The following LRRC7 variants were observed in gnomAD, a reference collection of about 807,000 sequenced individuals.
The protein encoded by LRRC7 is leucine rich repeat containing 7.
In LRRC7, 23 loss-of-function variants were observed where a neutral mutation model predicts 175.7. That is an observed-to-expected ratio of 0.13 (90% CI 0.09 to 0.19). The LOEUF is 0.19. Among genes scored for constraint, LRRC7 ranks in the 10% least tolerant of loss-of-function variants. The probability of loss-of-function intolerance (pLI) is 1.00; values close to 1 mark genes in which losing one functional copy is unlikely to be tolerated. For synonymous variants in LRRC7, 685 were observed against 680.9 expected (o/e 1.01, Z -0.09); for missense variants, 1,354 against 1,904.7 (o/e 0.71, Z 5.38).
chr1:69,601,397 G>C (rs10889840), intron 1 of LRRC7, among the ~76,000 whole-genome samples: 1 of 151,840 alleles, frequency 6.6e-6, no homozygotes, highest in African/African-American at 2.4e-5. Context: ...TAACCTCCCC[G>C]TCCAACAGTA....
At chr1:69,621,045 TTC>T (rs1182331444) in intron 1 of LRRC7, among the ~76,000 whole-genome samples, 1 of 151,722 alleles carries the variant, frequency 6.6e-6, no homozygotes, top group African/African-American at 2.4e-5. Context: ...TCTTTTTTTT[TTC>T]TTTTTTTTTC....
chr1:69,707,520 C>T (rs1226755167), intron 2 of LRRC7, among the ~76,000 whole-genome samples: 3 of 152,058 alleles, frequency 2.0e-5, no homozygotes, highest in Admixed American at 2.0e-4. Context: ...TCCTGGTATT[C>T]CCTCCCAAAA....
At chr1:69,902,398 C>A (rs1268628773) in intron 7 of LRRC7, among the ~76,000 whole-genome samples, 2 of 152,004 alleles carry the variant, frequency 1.3e-5, no homozygotes, top group Non-Finnish European at 2.9e-5. Context: ...GGTAAAACCT[C>A]GTCTCTACAA....
chr1:69,855,827 A>C (rs1202409491), intron 7 of LRRC7, among the ~76,000 whole-genome samples: 1 of 152,198 alleles, frequency 6.6e-6, no homozygotes, highest in Non-Finnish European at 1.5e-5. Context: ...GGGTGCATAC[A>C]TGTTTAGGAT....
intron 7 of LRRC7, among the ~76,000 whole-genome samples, chr1:69,846,100 T>A (rs922123085): frequency 6.6e-6 from 1 of 152,154 alleles, no homozygotes; most frequent in African/African-American, 2.4e-5. Flanking sequence ...TCAAATGAAA[T>A]AAGTGGATAA....
intron 7 of LRRC7, among the ~76,000 whole-genome samples, chr1:69,909,283 T>C (rs1369079633): frequency 6.6e-6 from 1 of 152,164 alleles, no homozygotes; most frequent in East Asian, 1.9e-4. Context: ...AAAATTAATA[T>C]TGTTATGTGT....
chr1:70,132,468 T>C lies in LRRC7; in HGVS notation c.*10581T>C, dbSNP rs1355862965. On this transcript the variant is annotated 3_prime_UTR_variant, in exon 27 of 27. Transcript: ENST00000651989. The stretch of plus-strand genomic sequence containing the variant: ...TTTTCTTTTCTTTTCTTTTTTTTTT[T>C]TTTTTTTTTTTTTTTGAGACGGAGT... 2.2e-5 allele frequency among the ~76,000 whole-genome samples: 3 copies of C among 133,452 alleles called. No individual in the cohort carries two copies. The highest frequency in any genetic ancestry group is 2.6e-4 in the South Asian group (1 of 3,824). 87.5% of individuals were successfully genotyped at this position (133,452 alleles called of 152,430 possible).
intron 22 of LRRC7, among the ~76,000 whole-genome samples, chr1:70,050,191 G>T (rs1457457990): frequency 6.6e-6 from 1 of 151,962 alleles, no homozygotes; most frequent in African/African-American, 2.4e-5. Flanking sequence ...AGAGAAAGAG[G>T]CATACATATG....
At chr1:70,078,810 G>GCGCGCGCGCGCGCA (rs1553200896) in intron 24 of LRRC7, among the ~76,000 whole-genome samples, 1 of 141,212 alleles carries the variant, frequency 7.1e-6, no homozygotes, top group African/African-American at 2.8e-5. Context: ...GCGCGCGCGC[G>GCGCGCGCGCGCGCA]CACACACACA....
intron 2 of LRRC7, among the ~76,000 whole-genome samples, chr1:69,712,929 ACAC>A (rs1424695965): frequency 6.6e-6 from 1 of 152,140 alleles, no homozygotes; most frequent in Non-Finnish European, 1.5e-5. Context: ...TGCCTATGTA[ACAC>A]AAAGATCTGT....
intron 8 of LRRC7, among the ~76,000 whole-genome samples, chr1:69,978,932 G>GAAAAAAAAAAAAAAAAAAAA (rs3069189): frequency 7.9e-6 from 1 of 126,146 alleles, no homozygotes; most frequent in Non-Finnish European, 1.7e-5. Context: ...GTTTCAGTTA[G>GAAAAAAAAAAAAAAAAAAAA]AAAAAAAAAA....
intron 11 of LRRC7, among the ~76,000 whole-genome samples, chr1:70,003,587 A>G (rs1020910071): frequency 6.6e-6 from 1 of 152,230 alleles, no homozygotes; most frequent in African/African-American, 2.4e-5. Context: ...CAAAGAAATG[A>G]TCAAATGGAA....
intron 2 of LRRC7, among the ~76,000 whole-genome samples, chr1:69,719,347 C>A (rs920387656): frequency 1.1e-4 from 17 of 151,596 alleles, no homozygotes; most frequent in African/African-American, 3.6e-4. Flanking sequence ...TGAATCAGTT[C>A]TTTCCTCTCT....
rs567528740 is a variant in LRRC7 at position 70,129,596 on chromosome 1, A to G, written c.*7709A>G. Among the ~76,000 whole-genome samples the G allele has an allele frequency of 2.0e-5, 3 of 152,286 alleles. No homozygotes were observed. The highest frequency in any genetic ancestry group is 6.5e-5 in the Admixed American group (1 of 15,296). On this transcript the variant is annotated 3_prime_UTR_variant, in exon 27 of 27. Coordinates refer to ENST00000651989, the MANE Select transcript of LRRC7 (RefSeq NM_001370785.2). ...GCCCCAAAAAGTCCCTCCTATGACC[A>G]CTGTCAGGGAGCGTGGGAATCCATG...
chr1:69,911,613 C>G (rs1018581786), intron 7 of LRRC7, among the ~76,000 whole-genome samples: 1 of 152,138 alleles, frequency 6.6e-6, no homozygotes, highest in Non-Finnish European at 1.5e-5. Flanking sequence ...TCTTCCTGTC[C>G]CAGTGGCCAG....
At position 70,039,473 on chromosome 1, in the gene LRRC7, T is replaced by C; in HGVS notation, c.3649T>C (p.Tyr1217His). 2 of 1,614,144 alleles carry C rather than the reference T, an allele frequency of 1.2e-6. No homozygotes were observed. The highest frequency in any genetic ancestry group is 1.7e-6 in the Non-Finnish European group (2 of 1,180,010). The change falls in exon 21 of 27, where the codon TAT becomes CAT. Residue 1217 changes from tyrosine to histidine, a missense_variant. Transcript: ENST00000651989. ...NGRYEDEHPS[Y>H]QEVKAQAGSF... ...CAGGTATGAAGATGAACACCCTTCA[T>C]ATCAAGAAGTGAAAGCTCAGGCGGG... is the stretch of plus-strand genomic sequence containing the variant.
intron 8 of LRRC7, among the ~76,000 whole-genome samples, chr1:69,968,830 T>C (rs1471283110): frequency 6.6e-6 from 1 of 151,972 alleles, no homozygotes; most frequent in Admixed American, 6.5e-5. Context: ...GTTTTTGTTT[T>C]TTTTTTGAGA....
intron 15 of LRRC7, among the ~76,000 whole-genome samples, chr1:70,019,426 T>G (rs1297176355): frequency 6.6e-6 from 1 of 152,036 alleles, no homozygotes; most frequent in African/African-American, 2.4e-5. Flanking sequence ...TGTCCTTTGC[T>G]ATTTGAAACT....
chr1:69,762,134 T>C (rs1237258887), intron 3 of LRRC7, among the ~76,000 whole-genome samples: 1 of 152,040 alleles, frequency 6.6e-6, no homozygotes, highest in Non-Finnish European at 1.5e-5. Context: ...TATCATCCTG[T>C]ATTTTTATTT....
Sources: gnomAD v4.1 joint callset for allele counts (sites outside exome capture counted in the v4.1 genomes callset) on GRCh38, gnomAD v4.1.1 for gene constraint, MANE v1.5 for transcripts, NCBI Gene and HGNC (gene_info 2026-07-23, HGNC 2026-07-21) for gene names.